GOLGA5: variants seen among roughly 807,000 people sequenced by gnomAD.
The protein encoded by GOLGA5 is golgin subfamily A member 5.
A neutral mutation model predicts 93.5 loss-of-function variants in GOLGA5; 50 were observed. The observed-to-expected ratio is 0.53, with a 90% CI of 0.43 to 0.68. The LOEUF (loss-of-function observed/expected upper bound fraction) is 0.68. Among genes scored for constraint, GOLGA5 ranks in the 30% least tolerant of loss-of-function variants. GOLGA5 has a pLI of 0.00. For missense variants in GOLGA5, 760 were observed against 856.4 expected (o/e 0.89, Z 1.40); for synonymous variants, 312 against 304.5 (o/e 1.02, Z -0.26).
chr14:92,834,184 C>CTTTTTT (rs35449807), intron 10 of GOLGA5, among the ~76,000 whole-genome samples: 19 of 135,078 alleles, frequency 1.4e-4, no homozygotes, highest in Non-Finnish European at 1.6e-4. Context: ...TAGGTTTCAC[C>CTTTTTT]TTTTTTTTTT....
chr14:92,811,090 TAA>T (rs1320650726), intron 5 of GOLGA5, among the ~76,000 whole-genome samples: 1 of 152,274 alleles, frequency 6.6e-6, no homozygotes, highest in Non-Finnish European at 1.5e-5. Context: ...TAGTCAATAT[TAA>T]AAGTTATTAA....
At position 92,835,543 on chromosome 14, in the gene GOLGA5, T is replaced by C; in HGVS notation, c.1946-16T>C. 6.6e-7 allele frequency: 1 copy of C among 1,524,334 alleles called. No individual in the cohort carries two copies. Among genetic ancestry groups the C allele is most frequent in the Non-Finnish European group, 9.1e-7 (1 of 1,098,814 alleles). 94.4% of individuals were successfully genotyped at this position (1,524,334 alleles called of 1,614,324 possible). ...TTTTTATGTCAGTACACTAATTTAT[T>C]TTCTTATTTAAACAGGCACTCGTCT... On this transcript the variant is annotated splice_polypyrimidine_tract_variant and intron_variant, in intron 10 of 12. Transcript: ENST00000163416.
chr14:92,837,563 AT>A (rs1308023929), intron 12 of GOLGA5, 114 bp downstream of exon 12: 230 of 645,196 alleles, frequency 3.6e-4, no homozygotes, highest in East Asian at 4.4e-4. Context: ...CAATCAATCA[AT>A]TTTTTTTTGT....
chr14:92,820,928 C>G (rs1483649935), intron 8 of GOLGA5, among the ~76,000 whole-genome samples: 1 of 152,098 alleles, frequency 6.6e-6, no homozygotes, highest in African/African-American at 2.4e-5. Context: ...TTATGTCTTC[C>G]TTTTCTACAT....
intron 10 of GOLGA5, among the ~76,000 whole-genome samples, 153 bp from the exon 11 acceptor site, chr14:92,835,404 ACC>A (rs1170889880): frequency 1.3e-5 from 2 of 152,214 alleles, no homozygotes; most frequent in African/African-American, 4.8e-5. Flanking sequence ...CATCAAATTT[ACC>A]TGTCCTTTCT....
At chr14:92,826,695 C>G (rs1305737725) in intron 9 of GOLGA5, among the ~76,000 whole-genome samples, 2 of 141,748 alleles carry the variant, frequency 1.4e-5, no homozygotes, top group African/African-American at 2.7e-5. Flanking sequence ...CAGACTCTAT[C>G]TCAAAAAAAA....
intron 9 of GOLGA5, among the ~76,000 whole-genome samples, chr14:92,827,593 G>A (rs1289297362): frequency 6.6e-6 from 1 of 152,166 alleles, no homozygotes; most frequent in Non-Finnish European, 1.5e-5. Flanking sequence ...GCCTCTAGGT[G>A]TTCAAGTGAA....
rs760086454 is a variant in GOLGA5 at position 92,839,480 on chromosome 14, T to C, written c.*34T>C. 5 of 1,441,218 alleles carry C rather than the reference T, an allele frequency of 3.5e-6. No homozygotes were observed. The highest frequency in any genetic ancestry group is 4.8e-6 in the Non-Finnish European group (5 of 1,031,160). The allele number at this position is 1,441,218 out of a possible 1,614,324, so 89.3% of individuals were successfully genotyped here. On this transcript the variant is annotated 3_prime_UTR_variant, in exon 13 of 13. Coordinates refer to ENST00000163416, the MANE Select transcript of GOLGA5 (RefSeq NM_005113.4). ...CAGTTGTTGCAGTGATTGGTTGTCTTTTTCTAGACTTGGGATCTGCAAGAA... is the reference window on the plus strand; with the variant it reads ...CAGTTGTTGCAGTGATTGGTTGTCTCTTTCTAGACTTGGGATCTGCAAGAA...
At chr14:92,833,696 C>G (rs560752900) in intron 10 of GOLGA5, among the ~76,000 whole-genome samples, 4 of 152,070 alleles carry the variant, frequency 2.6e-5, no homozygotes, top group African/African-American at 9.7e-5. Flanking sequence ...TAAATAGTTA[C>G]GGGTATTAGA....
rs149806560 is a variant in GOLGA5 at position 92,822,678 on chromosome 14, A to G, written c.1621-1868A>G. 2.6e-3 allele frequency among the ~76,000 whole-genome samples: 397 copies of G among 152,166 alleles called. 2 individuals are homozygous for G. Among genetic ancestry groups the G allele is most frequent in the African/African-American group, 9.1e-3 (376 of 41,502 alleles). ...TGCCATGCAGAAGTTGATTTTTGAG[A>G]CGGAGTGTCGCTCTGTTGCCCAGGC... On this transcript the variant is annotated intron_variant, in intron 8 of 12. Transcript: ENST00000163416.
intron 9 of GOLGA5, among the ~76,000 whole-genome samples, chr14:92,826,703 AAAAAAAAAG>A (rs1482133191): frequency 7.3e-4 from 111 of 152,078 alleles, no homozygotes; most frequent in African/African-American, 2.3e-3. Context: ...ATCTCAAAAA[AAAAAAAAAG>A]AAAAAAAAGA....
intron 9 of GOLGA5, among the ~76,000 whole-genome samples, chr14:92,829,248 C>T (rs1361214917): frequency 1.3e-5 from 2 of 152,162 alleles, no homozygotes; most frequent in Non-Finnish European, 2.9e-5. Context: ...CAGGAGTGAG[C>T]CACTGTGCCT....
In GOLGA5 at chr14:92,819,096, T is replaced by C. The variant is rs574913141; in HGVS notation, c.1492-612T>C. On this transcript the variant is annotated intron_variant, in intron 7 of 12. Coordinates refer to ENST00000163416, the MANE Select transcript of GOLGA5 (RefSeq NM_005113.4). The stretch of plus-strand genomic sequence containing the variant: ...ATTTCAGGGGACTAATGCAGTGAAG[T>C]CCTTTGTGCTATTATGTTTCTGATT... 2.6e-5 allele frequency among the ~76,000 whole-genome samples: 4 copies of C among 152,268 alleles called. No homozygotes were observed. In the East Asian group the frequency reaches 7.7e-4, roughly 29 times the overall value.
Position 92,839,749 on chromosome 14 carries a change from G to T in GOLGA5, c.*303G>T. On this transcript the variant is annotated 3_prime_UTR_variant, in exon 13 of 13. Coordinates refer to ENST00000163416, the MANE Select transcript of GOLGA5 (RefSeq NM_005113.4). ...TCACCTCTGTACAGACCATCTGTAT[G>T]TTAGGTGACATTGATTATGGGTTAT... 1 of 319,122 alleles carries T rather than the reference G, an allele frequency of 3.1e-6. No homozygotes were observed. Among genetic ancestry groups the T allele is most frequent in the Non-Finnish European group, 5.7e-6 (1 of 175,080 alleles). The allele number at this position is 319,122 out of a possible 1,614,324, so 19.8% of individuals were successfully genotyped here.
intron 10 of GOLGA5, among the ~76,000 whole-genome samples, chr14:92,834,200 T>TA (rs1364655953): frequency 2.7e-5 from 4 of 150,614 alleles, no homozygotes; most frequent in Non-Finnish European, 5.9e-5. Context: ...TTTTTTATTT[T>TA]ATTTTTTTAT....
At chr14:92,824,186 T>A (rs1349379771) in intron 8 of GOLGA5, among the ~76,000 whole-genome samples, 1 of 152,204 alleles carries the variant, frequency 6.6e-6, no homozygotes, top group African/African-American at 2.4e-5. Context: ...ATTTTATGAA[T>A]ATTTTTTCCA....
chr14:92,825,300 AAG>A, intron 9 of GOLGA5, among the ~76,000 whole-genome samples: 1 of 152,178 alleles, frequency 6.6e-6, no homozygotes, highest in African/African-American at 2.4e-5. Flanking sequence ...TTGGTCTTTT[AAG>A]TTTCCAGACT....
At chr14:92,800,882 A>G (rs1884856997) in intron 2 of GOLGA5, among the ~76,000 whole-genome samples, 1 of 152,238 alleles carries the variant, frequency 6.6e-6, no homozygotes, top group Non-Finnish European at 1.5e-5. Flanking sequence ...TTGTCAGGGA[A>G]ATGAATTAGA....
intron 2 of GOLGA5, among the ~76,000 whole-genome samples, chr14:92,802,660 T>C (rs1210547718): frequency 1.3e-5 from 2 of 151,876 alleles, no homozygotes; most frequent in Non-Finnish European, 2.9e-5. Context: ...ATTTTAGCAA[T>C]GTTTTTTCCT....
Sources: gnomAD v4.1 joint callset for allele counts (sites outside exome capture counted in the v4.1 genomes callset) on GRCh38, gnomAD v4.1.1 for gene constraint, MANE v1.5 for transcripts, NCBI Gene and HGNC (gene_info 2026-07-23, HGNC 2026-07-21) for gene names.